HMCN1: variants seen among roughly 807,000 people sequenced by gnomAD.
The protein encoded by HMCN1 is hemicentin-1.
A neutral mutation model predicts 625.9 loss-of-function variants in HMCN1; 321 were observed. That is an observed-to-expected ratio of 0.51 (90% CI 0.47 to 0.56). HMCN1 has a LOEUF of 0.56. Among genes scored for constraint, HMCN1 ranks in the 20% least tolerant of loss-of-function variants. The probability of loss-of-function intolerance (pLI) is 0.00; values close to 1 mark genes in which losing one functional copy is unlikely to be tolerated. For missense variants in HMCN1, 6,588 were observed against 6,887.3 expected (o/e 0.96, Z 1.54); for synonymous variants, 2,425 against 2,417.6 (o/e 1.00, Z -0.09).
intron 1 of HMCN1, among the ~76,000 whole-genome samples, chr1:185,828,259 CA>C (rs1403519514): frequency 6.6e-6 from 1 of 151,794 alleles, no homozygotes; most frequent in African/African-American, 2.4e-5. Flanking sequence ...ATGGATAAAA[CA>C]GGGAAAGAAA....
rs12121054 is a variant in HMCN1, at chr1:186,114,141, T to A, written c.11276+18T>A. The stretch of plus-strand genomic sequence containing the variant: ...CATGCAAGGTAACCATACTGGAAAA[T>A]TAAAAAATGCTATAAGACCTGAAAT... On this transcript the variant is annotated intron_variant, in intron 73 of 106. Coordinates refer to ENST00000271588, the MANE Select transcript of HMCN1 (RefSeq NM_031935.3). The A allele has an allele frequency of 3.7e-6, 6 of 1,613,726 alleles. 1 individual carries two copies. The highest frequency in any genetic ancestry group is 1.6e-4 in the Middle Eastern group (1 of 6,062).
chr1:185,889,133 T>C (rs1664877177), intron 4 of HMCN1, among the ~76,000 whole-genome samples: 2 of 144,426 alleles, frequency 1.4e-5, no homozygotes, highest in Non-Finnish European at 3.0e-5. Flanking sequence ...TGTATAGGAA[T>C]GCTTGTGATT....
intron 7 of HMCN1, 56 bp from the exon 8 acceptor site, chr1:185,923,334 T>A: frequency 7.7e-7 from 1 of 1,296,832 alleles, no homozygotes; most frequent in Non-Finnish European, 1.1e-6. Flanking sequence ...ACTTATTTGA[T>A]ATATAACTTC....
intron 48 of HMCN1, among the ~76,000 whole-genome samples, chr1:186,063,052 G>GCA (rs1558187837): frequency 1.6e-4 from 17 of 105,358 alleles, no homozygotes; most frequent in African/African-American, 7.3e-4. Context: ...GTGTGTGTGT[G>GCA]TGTGTGTGTG....
In HMCN1 at chr1:186,018,271, G is replaced by T. The variant is rs1654492324; in HGVS notation, c.5389G>T (p.Val1797Leu). ...CAAACTGGTTATTGCTCAGGCTCAA[G>T]TGTCAAACACAGGCCTTTATCGGTG... ...GRKLVIAQAQ[V>L]SNTGLYRCMA... The change falls in exon 34 of 107, where the codon GTG (valine) becomes TTG (leucine). Residue 1797 changes from valine (V) to leucine (L), a missense_variant. Around this residue, in one of 3 missense-constraint regions of HMCN1, gnomAD observed 4,628 missense variants for 4,853.1 expected, o/e 0.95. Coordinates refer to ENST00000271588, the MANE Select transcript of HMCN1 (RefSeq NM_031935.3). 1 of 1,612,960 alleles carries T rather than the reference G, an allele frequency of 6.2e-7. No individual in the cohort carries two copies. Among genetic ancestry groups the T allele is most frequent in the Non-Finnish European group, 8.5e-7 (1 of 1,179,174 alleles).
At chr1:186,098,922 C>T (rs1028741216) in intron 68 of HMCN1, among the ~76,000 whole-genome samples, 1 of 151,998 alleles carries the variant, frequency 6.6e-6, no homozygotes, top group African/African-American at 2.4e-5. Context: ...ATTAGCCAGG[C>T]ACAGAAAGAA....
intron 56 of HMCN1, among the ~76,000 whole-genome samples, chr1:186,082,428 T>C (rs866642102): frequency 1.2e-4 from 18 of 152,128 alleles, no homozygotes; most frequent in Admixed American, 7.2e-4. Flanking sequence ...CCTGGCTTCC[T>C]CACATGGTGC....
At chr1:185,735,631 TGG>T (rs1653507508) in intron 1 of HMCN1, among the ~76,000 whole-genome samples, 2 of 152,202 alleles carry the variant, frequency 1.3e-5, no homozygotes, top group Non-Finnish European at 2.9e-5. Flanking sequence ...GGTTCACAGA[TGG>T]GTATAAACAT....
At position 186,003,724 on chromosome 1, in the gene HMCN1, C is replaced by G; in HGVS notation, c.4355C>G (p.Pro1452Arg). Reference protein sequence around the residue: ...KYFNIDVLVPPTIIGTNFPNE... With the variant: ...KYFNIDVLVPRTIIGTNFPNE... The stretch of plus-strand genomic sequence containing the variant: ...TACACTGTCTTTGTTCAAGTTCCAC[C>G]CACCATAATAGGTACCAACTTCCCA... Residue 1452 changes from proline (P) to arginine (R), a missense_variant, in exon 29 of 107, where the codon CCC becomes CGC. By Grantham distance (103) the Pro-to-Arg change is moderately radical. Coordinates refer to ENST00000271588, the MANE Select transcript of HMCN1 (RefSeq NM_031935.3). The G allele has an allele frequency of 6.2e-7, 1 of 1,613,150 alleles. No homozygotes were observed. Among genetic ancestry groups the G allele is most frequent in the Non-Finnish European group, 8.5e-7 (1 of 1,179,368 alleles).
intron 4 of HMCN1, among the ~76,000 whole-genome samples, chr1:185,889,771 CTTTT>C (rs1401140998): frequency 3.6e-5 from 5 of 140,726 alleles, no homozygotes; most frequent in African/African-American, 1.2e-4. Context: ...CTAAAATTCT[CTTTT>C]TTGGTTGTGT....
At position 186,055,440 on chromosome 1, in the gene HMCN1, G is replaced by C; in HGVS notation, c.6910G>C (p.Val2304Leu). Residue 2304 changes from valine to leucine, a missense_variant, in exon 45 of 107, where the codon GTG becomes CTG. Val to Leu is a conservative substitution (Grantham distance 32, BLOSUM62 1). Coordinates refer to ENST00000271588, the MANE Select transcript of HMCN1 (RefSeq NM_031935.3). ...TGGCAGCCACCCTACTGAAATTATT[G>C]TGACCCGAGGGAAGAGTATCTCCTT... ...NSGSHPTEIIVTRGKSISLEC... is the reference protein window; with the variant it reads ...NSGSHPTEIILTRGKSISLEC... The C allele has an allele frequency of 6.2e-7, 1 of 1,612,600 alleles. No homozygotes were observed. The highest frequency in any genetic ancestry group is 2.2e-5 in the East Asian group (1 of 44,802).
At chr1:185,770,050 G>T (rs903289000) in intron 1 of HMCN1, among the ~76,000 whole-genome samples, 4 of 152,142 alleles carry the variant, frequency 2.6e-5, no homozygotes, top group African/African-American at 9.7e-5. Context: ...ATTTCAGAGG[G>T]TATGCATATA....
chr1:185,983,985 A>T (rs926854719), intron 18 of HMCN1, among the ~76,000 whole-genome samples, 184 bp from the exon 19 acceptor site: 1 of 152,158 alleles, frequency 6.6e-6, no homozygotes, highest in African/African-American at 2.4e-5. Context: ...GTATATCAGG[A>T]TTAAATTGTA....
intron 18 of HMCN1, among the ~76,000 whole-genome samples, chr1:185,983,807 G>C (rs981942619): frequency 3.3e-5 from 5 of 152,158 alleles, no homozygotes; most frequent in Non-Finnish European, 7.4e-5. Context: ...TGGTAATAAG[G>C]CCTTCTTGGA....
chr1:186,001,776 A>T, intron 28 of HMCN1, 35 bp downstream of exon 28: 1 of 1,574,048 alleles, frequency 6.4e-7, no homozygotes, highest in Non-Finnish European at 8.7e-7. Context: ...ACTACAATTC[A>T]GAAGCATTTC....
At chr1:186,094,779 C>T (rs1303450297) in intron 67 of HMCN1, among the ~76,000 whole-genome samples, 1 of 152,112 alleles carries the variant, frequency 6.6e-6, no homozygotes, top group African/African-American at 2.4e-5. Flanking sequence ...GAACTCAATA[C>T]CTTCCATTTC....
Position 186,137,907 on chromosome 1 carries a change from A to T in HMCN1, c.13859A>T (p.His4620Leu), listed in dbSNP as rs1649716478. The T allele has an allele frequency of 6.2e-7, 1 of 1,614,082 alleles. No homozygotes were observed. Among genetic ancestry groups the T allele is most frequent in the Non-Finnish European group, 8.5e-7 (1 of 1,179,970 alleles). ...TRTCNNPSVQ[H>L]GGRPCEGNAV... ...ACTTGCAATAATCCATCAGTTCAGC[A>T]TGGTGGGCGGCCATGTGAAGGGAAT... The change falls in exon 89 of 107, where the codon CAT becomes CTT. Residue 4620 changes from histidine to leucine, a missense_variant. His to Leu is a moderately conservative substitution (Grantham distance 99). Transcript: ENST00000271588.
At chr1:185,912,215 T>A (rs1666463277) in intron 6 of HMCN1, among the ~76,000 whole-genome samples, 1 of 152,170 alleles carries the variant, frequency 6.6e-6, no homozygotes, top group African/African-American at 2.4e-5. Context: ...TTTCCTTCTC[T>A]GTCATGTGGA....
At chr1:185,744,826 C>G (rs1571294674) in intron 1 of HMCN1, among the ~76,000 whole-genome samples, 1 of 152,022 alleles carries the variant, frequency 6.6e-6, no homozygotes, top group East Asian at 1.9e-4. Context: ...CTATCAGGAG[C>G]CTGGAAGGAT....
Sources: allele counts gnomAD v4.1 joint callset (sites outside exome capture counted in the v4.1 genomes callset), GRCh38; gene constraint gnomAD v4.1.1; regional missense constraint gnomAD v4.1.1; transcripts MANE v1.5; gene names NCBI Gene and HGNC (gene_info 2026-07-23, HGNC 2026-07-21).